COMMD3: variants seen among roughly 807,000 people sequenced by gnomAD.
COMMD3 encodes the protein COMM domain-containing protein 3.
In COMMD3, 31 loss-of-function variants were observed where a neutral mutation model predicts 31.2. That is an observed-to-expected ratio of 0.99 (90% CI 0.75 to 1.34). The LOEUF is 1.34. COMMD3 is among the 40% of genes most tolerant of loss of function. The probability of loss-of-function intolerance (pLI) is 0.00; values close to 1 mark genes in which losing one functional copy is unlikely to be tolerated. For missense variants in COMMD3, 274 were observed against 236.9 expected (o/e 1.16, Z -1.03); for synonymous variants, 108 against 87.3 (o/e 1.24, Z -1.32).
rs192630710 is a variant in COMMD3, at chr10:22,318,820, T to G, written c.426T>G (p.His142Gln). 60 of 1,614,008 alleles carry G rather than the reference T, an allele frequency of 3.7e-5. No individual in the cohort carries two copies. The South Asian group carries it at 5.1e-4, about 14-fold the overall frequency. The change falls in exon 6 of 8, where the codon CAT (histidine) becomes CAG (glutamine). Residue 142 changes from histidine to glutamine, a missense_variant. Physicochemically the swap from His to Gln is conservative, Grantham distance 24. Coordinates refer to ENST00000376836, the MANE Select transcript of COMMD3 (RefSeq NM_012071.4). ...TGTTATTTTAGACCAATCAACTTCA[T>G]AGGATGTACAGACCTGCATATTTGG... Reference protein sequence around the residue: ...LEYQIKTNQLHRMYRPAYLVT... With the variant: ...LEYQIKTNQLQRMYRPAYLVT...
At chr10:22,318,586 G>T in intron 4 of COMMD3, 67 bp from the exon 5 acceptor site, 1 of 1,400,180 alleles carries the variant, frequency 7.1e-7, no homozygotes. Flanking sequence ...GCCATTCTTA[G>T]TAAATATAAA....
chr10:22,317,858 C>G (rs1334502138), intron 1 of COMMD3, 26 bp from the exon 2 acceptor site: 2 of 1,607,056 alleles, frequency 1.2e-6, no homozygotes, highest in Admixed American at 3.4e-5. Context: ...TTATCATAGG[C>G]ATCACTGGAA....
intron 7 of COMMD3, 49 bp downstream of exon 7, chr10:22,319,067 C>A: frequency 6.5e-7 from 1 of 1,540,686 alleles, no homozygotes. Flanking sequence ...TAAATGTTTA[C>A]TTGAGAGTTA....
At position 22,320,073 on chromosome 10, in the gene COMMD3, G is replaced by A. The variant is rs1274710657; in HGVS notation, c.*75G>A. 1 of 1,613,228 alleles carries A rather than the reference G, an allele frequency of 6.2e-7. No individual in the cohort carries two copies. On this transcript the variant is annotated 3_prime_UTR_variant, in exon 8 of 8. Transcript: ENST00000376836. ...CTTGCCTTCAGCTGAACCACCGTTT[G>A]TGCGAGCTGGATGTCCTTTTCAGTA...
At chr10:22,318,081 T>C (rs940220883) in intron 2 of COMMD3, 24 bp from the exon 3 acceptor site, 5 of 1,605,314 alleles carry the variant, frequency 3.1e-6, no homozygotes, top group Non-Finnish European at 4.2e-6. Context: ...GACAGAACTT[T>C]GGCTTTTTTT....
At position 22,320,001 on chromosome 10, in the gene COMMD3, T is replaced by C; in HGVS notation, c.*3T>C. On this transcript the variant is annotated 3_prime_UTR_variant, in exon 8 of 8. Coordinates refer to ENST00000376836, the MANE Select transcript of COMMD3 (RefSeq NM_012071.4). ...TGGAAAGAGCAACTCAGTTGTAACTTGGGGAAGTTAACGATCCGCCCGAGT... is the reference window on the plus strand; with the variant it reads ...TGGAAAGAGCAACTCAGTTGTAACTCGGGGAAGTTAACGATCCGCCCGAGT... 1 of 1,614,132 alleles carries C rather than the reference T, an allele frequency of 6.2e-7. No homozygotes were observed. The highest frequency in any genetic ancestry group is 8.5e-7 in the Non-Finnish European group (1 of 1,180,004).
Position 22,318,069 on chromosome 10 carries a change from G to T in COMMD3, c.252-36G>T, listed in dbSNP as rs183025190. On this transcript the variant is annotated intron_variant, in intron 2 of 7. Coordinates refer to ENST00000376836, the MANE Select transcript of COMMD3 (RefSeq NM_012071.4). ...GATTTCAATTTCAGTTTTAAAAATG[G>T]AGACAGAACTTTGGCTTTTTTTTTC... 3.9e-4 allele frequency: 624 copies of T among 1,603,060 alleles called. 4 individuals carry two copies. The African/African-American group carries it at 7.8e-3, about 20-fold the overall frequency.
At chr10:22,317,799 T>C in intron 1 of COMMD3, 85 bp from the exon 2 acceptor site, 1 of 1,488,478 alleles carries the variant, frequency 6.7e-7, no homozygotes, top group South Asian at 1.2e-5. Flanking sequence ...AAAGGGTTTT[T>C]AAACCCAAAT....
At chr10:22,319,612 A>G (rs987038910) in intron 7 of COMMD3, 1 of 190,184 alleles carries the variant, frequency 5.3e-6, no homozygotes, top group Non-Finnish European at 1.1e-5. Context: ...TAATGTAACT[A>G]TGAATCAAAC....
In COMMD3 at chr10:22,319,985, C is replaced by T. The variant is rs776338897; in HGVS notation, c.575C>T (p.Ala192Val). 9 of 1,613,868 alleles carry T rather than the reference C, an allele frequency of 5.6e-6. No individual in the cohort carries two copies. The East Asian group carries it at 1.1e-4, about 20-fold the overall frequency. ...GATGCTTCGAAAAGCCTGGAAAGAG[C>T]AACTCAGTTGTAACTTGGGGAAGTT... ...LKDASKSLER[A>V]TQL Residue 192 changes from alanine (A) to valine (V), a missense_variant, in exon 8 of 8, where the codon GCA becomes GTA. Coordinates refer to ENST00000376836, the MANE Select transcript of COMMD3 (RefSeq NM_012071.4).
chr10:22,319,787 C>A, intron 7 of COMMD3, 152 bp from the exon 8 acceptor site: 3 of 889,430 alleles, frequency 3.4e-6, no homozygotes, highest in Non-Finnish European at 3.3e-6. Context: ...CTTTTTTTGC[C>A]CGATAGTAGT....
chr10:22,317,377 A>T (rs1035680372), intron 1 of COMMD3: 4 of 152,286 alleles, frequency 2.6e-5, no homozygotes, highest in Non-Finnish European at 5.9e-5. Context: ...ATCTCAAAAA[A>T]AAAATGACTG....
intron 7 of COMMD3, chr10:22,319,687 G>A: frequency 5.2e-6 from 2 of 381,504 alleles, no homozygotes; most frequent in Non-Finnish European, 9.8e-6. Flanking sequence ...AAATTCAGAT[G>A]TATCTGGGCG....
In COMMD3 at chr10:22,319,225, G is replaced by T; in HGVS notation, c.528+207G>T. The T allele has an allele frequency of 9.4e-6, 5 of 534,686 alleles. No homozygotes were observed. The South Asian group carries it at 1.4e-4, about 15-fold the overall frequency. The allele number at this position is 534,686 out of a possible 1,614,324, so 33.1% of individuals were successfully genotyped here. On this transcript the variant is annotated intron_variant, in intron 7 of 7. Coordinates refer to ENST00000376836, the MANE Select transcript of COMMD3 (RefSeq NM_012071.4). ...ATTAAGATGTTATTAATAGAGAATT[G>T]GTCTGTATTTGCTGTTCTTGCTGAT... is the stretch of plus-strand genomic sequence containing the variant.
At chr10:22,317,310 AC>A (rs1426657903) in intron 1 of COMMD3, among the ~76,000 whole-genome samples, 2 of 152,146 alleles carry the variant, frequency 1.3e-5, no homozygotes, top group African/African-American at 4.8e-5. Context: ...AAACACTTGT[AC>A]AAAAAGTATG....
chr10:22,318,874 TAA>T lies in COMMD3; in HGVS notation c.468+13_468+14del, dbSNP rs778567061. The T allele has an allele frequency of 7.4e-6, 12 of 1,613,368 alleles. No individual in the cohort carries two copies. In the African/African-American group the frequency reaches 1.6e-4, roughly 22 times the overall value. On this transcript the variant is annotated intron_variant, in intron 6 of 7. Transcript: ENST00000376836. ...CCTTAAGTGTACAGGTATTTATAGA[TAA>T]GTCTTATCCAATAATGAAATTTATA...
rs1199954843 is a variant in COMMD3, at chr10:22,320,134, C to A, written c.*136C>A. 3.9e-6 allele frequency: 6 copies of A among 1,555,892 alleles called. No homozygotes were observed. In the African/African-American group the frequency reaches 6.8e-5, roughly 18 times the overall value. Reference sequence around the variant, plus strand: ...TTCCTTTTGAATTTATACCATTCATCAATTTTGACACTTTAAAAACGTGTG... The same window carrying A: ...TTCCTTTTGAATTTATACCATTCATAAATTTTGACACTTTAAAAACGTGTG... On this transcript the variant is annotated 3_prime_UTR_variant, in exon 8 of 8. Transcript: ENST00000376836.
intron 1 of COMMD3, 65 bp downstream of exon 1, chr10:22,316,621 G>A (rs1564345536): frequency 7.1e-7 from 1 of 1,412,918 alleles, no homozygotes; most frequent in South Asian, 1.4e-5. Context: ...GAGAAGAGGA[G>A]CCGGCGGAGC....
In COMMD3 at chr10:22,316,435, T is replaced by G; in HGVS notation, c.18T>G (p.Ser6=). MELSE[S]VQKGFQMLAD... ...CGCTCACAATGGAGCTCTCGGAGTC[T>G]GTGCAGAAAGGCTTCCAGATGCTGG... Residue 6 remains serine, a synonymous_variant, in exon 1 of 8, where the codon TCT becomes TCG. Coordinates refer to ENST00000376836, the MANE Select transcript of COMMD3 (RefSeq NM_012071.4). 1 of 1,547,184 alleles carries G rather than the reference T, an allele frequency of 6.5e-7. No individual in the cohort carries two copies. Among genetic ancestry groups the G allele is most frequent in the Non-Finnish European group, 8.7e-7 (1 of 1,144,646 alleles).
Sources: gnomAD v4.1 joint callset for allele counts (sites outside exome capture counted in the v4.1 genomes callset) on GRCh38, gnomAD v4.1.1 for gene constraint, MANE v1.5 for transcripts, NCBI Gene and HGNC (gene_info 2026-07-23, HGNC 2026-07-21) for gene names.